The following NDUFS4 variants were observed in gnomAD, a reference collection of about 807,000 sequenced individuals.
NDUFS4 encodes NADH dehydrogenase [ubiquinone] iron-sulfur protein 4, mitochondrial.
In NDUFS4, 28 loss-of-function variants were observed where a neutral mutation model predicts 24.3. That is an observed-to-expected ratio of 1.15 (90% confidence interval 0.85 to 1.58). The LOEUF is 1.58. NDUFS4 is among the 40% of genes most tolerant of loss of function. The pLI is 0.00. For missense variants in NDUFS4, 223 were observed against 207.9 expected, an observed-to-expected ratio of 1.07 and a Z score of -0.45; for synonymous variants, 93 against 69.7, an observed-to-expected ratio of 1.34 and a Z score of -1.67.
At chr5:53,621,734 C>T (rs1751042681) in intron 2 of NDUFS4, among the ~76,000 whole-genome samples, 2 of 118,834 alleles carry the variant, frequency 1.7e-5, no homozygotes, top group East Asian at 2.7e-4. Context: ...CGGAGTTTCG[C>T]TCTGTCGCCC....
intron 1 of NDUFS4, among the ~76,000 whole-genome samples, chr5:53,595,964 G>A (rs1229775615): frequency 1.3e-5 from 2 of 152,168 alleles, no homozygotes; most frequent in Non-Finnish European, 2.9e-5. Context: ...ATTCAGTACT[G>A]TAGATGAAGA....
chr5:53,573,203 G>A (rs1350650677), intron 1 of NDUFS4, among the ~76,000 whole-genome samples: 2 of 151,880 alleles, frequency 1.3e-5, no homozygotes, highest in Non-Finnish European at 2.9e-5. Context: ...TTGAACTCCT[G>A]GGTTCAAGCA....
intron 2 of NDUFS4, among the ~76,000 whole-genome samples, chr5:53,623,590 G>C (rs1416670340): frequency 2.0e-5 from 3 of 151,884 alleles, no homozygotes; most frequent in Non-Finnish European, 4.4e-5. Context: ...TTTTTTTGTT[G>C]CATGTGCTTT....
At chr5:53,583,240 C>G (rs1408367839) in intron 1 of NDUFS4, among the ~76,000 whole-genome samples, 1 of 152,108 alleles carries the variant, frequency 6.6e-6, no homozygotes, top group Non-Finnish European at 1.5e-5. Flanking sequence ...TGGACAATGT[C>G]AGAGATTACC....
chr5:53,660,526 T>G (rs1007427667), intron 4 of NDUFS4, among the ~76,000 whole-genome samples: 7 of 152,108 alleles, frequency 4.6e-5, no homozygotes, highest in Non-Finnish European at 7.4e-5. Context: ...GTAATGGGAT[T>G]GCTGGGTCAA....
chr5:53,677,306 C>A (rs1740506236), intron 4 of NDUFS4, among the ~76,000 whole-genome samples: 1 of 152,166 alleles, frequency 6.6e-6, no homozygotes, highest in Admixed American at 6.5e-5. Context: ...GGTGGCAATA[C>A]TCTACAGCAG....
chr5:53,589,870 C>A (rs949674812), intron 1 of NDUFS4, among the ~76,000 whole-genome samples: 4 of 152,196 alleles, frequency 2.6e-5, no homozygotes, highest in African/African-American at 9.6e-5. Flanking sequence ...TGCCCTTGAA[C>A]ATCAGACTCC....
At chr5:53,666,041 T>C (rs1752503723) in intron 4 of NDUFS4, among the ~76,000 whole-genome samples, 1 of 152,226 alleles carries the variant, frequency 6.6e-6, no homozygotes, top group African/African-American at 2.4e-5. Context: ...ACTTATACTT[T>C]CTTGGCAAGT....
chr5:53,565,739 A>G (rs1035540479), intron 1 of NDUFS4, among the ~76,000 whole-genome samples: 4 of 152,220 alleles, frequency 2.6e-5, no homozygotes, highest in African/African-American at 9.6e-5. Flanking sequence ...TAGATTTTGT[A>G]TTCATACACT....
chr5:53,560,703 T>A lies in NDUFS4; in HGVS notation c.41T>A (p.Leu14Ter), dbSNP rs1487159964. 6.2e-7 allele frequency: 1 copy of A among 1,614,112 alleles called. No individual in the cohort carries two copies. Among genetic ancestry groups the A allele is most frequent in the Non-Finnish European group, 8.5e-7 (1 of 1,180,046 alleles). ...ATGTCAGTGGTACTGAGGCAGACGT[T>A]GTGGCGGAGAAGGGCAGTGGCTGTA... ...VSMSVVLRQT[L>*]WRRRAVAVAA... The change falls in exon 1 of 5, where the codon TTG (leucine) becomes TAG (stop). Residue 14 changes from leucine (L) to a stop codon, truncating the protein, a stop_gained. Transcript: ENST00000296684. LOFTEE classifies it high-confidence loss of function.
intron 4 of NDUFS4, among the ~76,000 whole-genome samples, chr5:53,681,105 T>C (rs1179663139): frequency 6.6e-6 from 1 of 152,106 alleles, no homozygotes; most frequent in East Asian, 1.9e-4. Context: ...TGCTATGAAG[T>C]TGTGAATCAA....
At chr5:53,629,617 C>T (rs1160737897) in intron 2 of NDUFS4, among the ~76,000 whole-genome samples, 5 of 152,032 alleles carry the variant, frequency 3.3e-5, no homozygotes, top group African/African-American at 1.2e-4. Flanking sequence ...TGAATTGATC[C>T]CTTTACCATT....
chr5:53,676,149 G>A (rs1740462316), intron 4 of NDUFS4, among the ~76,000 whole-genome samples: 1 of 152,178 alleles, frequency 6.6e-6, no homozygotes, highest in Non-Finnish European at 1.5e-5. Context: ...GATTTATGTA[G>A]GGTAAAGAAA....
intron 4 of NDUFS4, among the ~76,000 whole-genome samples, chr5:53,674,509 G>A (rs1844698): frequency 0.79 from 120,700 of 152,100 alleles, 48,130 homozygotes; most frequent in African/African-American, 0.87. Flanking sequence ...TTAGTATTCT[G>A]TCTTACTTAG....
chr5:53,677,699 G>T (rs1740524589), intron 4 of NDUFS4, among the ~76,000 whole-genome samples: 1 of 152,296 alleles, frequency 6.6e-6, no homozygotes, highest in African/African-American at 2.4e-5. Flanking sequence ...AACCTTCCAA[G>T]TACCAGTATA....
At chr5:53,658,520 T>C in intron 3 of NDUFS4, 31 bp from the exon 4 acceptor site, 2 of 1,541,734 alleles carry the variant, frequency 1.3e-6, no homozygotes, top group Non-Finnish European at 1.8e-6. Flanking sequence ...AGCTTAATGT[T>C]AAATCTTGGA....
intron 2 of NDUFS4, among the ~76,000 whole-genome samples, chr5:53,638,963 A>C (rs1304478724): frequency 2.0e-5 from 3 of 151,998 alleles, no homozygotes; most frequent in African/African-American, 7.2e-5. Flanking sequence ...TTTTTCCCCC[A>C]AGATTCCTTT....
chr5:53,567,082 C>T (rs1349248077), intron 1 of NDUFS4, among the ~76,000 whole-genome samples: 1 of 152,068 alleles, frequency 6.6e-6, no homozygotes, highest in Non-Finnish European at 1.5e-5. Context: ...AACTCCTGAC[C>T]TCGTGATCCA....
At chr5:53,665,771 TC>T (rs1301384030) in intron 4 of NDUFS4, among the ~76,000 whole-genome samples, 1 of 152,220 alleles carries the variant, frequency 6.6e-6, no homozygotes, top group Non-Finnish European at 1.5e-5. Flanking sequence ...CCCTTGCGCT[TC>T]CTGGGTGAGG....
Sources: gnomAD v4.1 joint callset for allele counts (sites outside exome capture counted in the v4.1 genomes callset) on GRCh38, gnomAD v4.1.1 for gene constraint, MANE v1.5 for transcripts, NCBI Gene and HGNC (gene_info 2026-07-23, HGNC 2026-07-21) for gene names.